CCDC7: variants seen among roughly 807,000 people sequenced by gnomAD.
CCDC7 encodes coiled-coil domain-containing protein 7.
Under a neutral mutation model 196.9 loss-of-function variants are expected in CCDC7, and 183 were observed. The ratio of observed to expected loss-of-function variants is 0.93; its 90% CI spans 0.82 to 1.05. CCDC7 has a LOEUF of 1.05. Among genes scored for constraint, CCDC7 ranks in the 50% least tolerant of loss-of-function variants. CCDC7 has a pLI of 0.00. For synonymous variants in CCDC7, 525 were observed against 484.6 expected (o/e 1.08, Z -1.10); for missense variants, 1,540 against 1,482.2 (o/e 1.04, Z -0.64).
chr10:32,556,948 T>A (rs1303036365), intron 13 of CCDC7, among the ~76,000 whole-genome samples: 1 of 152,226 alleles, frequency 6.6e-6, no homozygotes, highest in East Asian at 1.9e-4. Context: ...TCTGTGCCTG[T>A]TTATGGACAT....
In CCDC7 at chr10:32,779,896, GAATATGAAA is replaced by G. The variant is rs2080764498; in HGVS notation, c.3013+815_3013+823del. ...GCTCCAGCAAAAGCCAGTATGAAAA[GAATATGAAA>G]AACTCCTGGCAATCACAGCATTACT... On this transcript the variant is annotated intron_variant, in intron 29 of 41. Coordinates refer to ENST00000639629, the Ensembl canonical transcript of CCDC7. 2.0e-5 allele frequency among the ~76,000 whole-genome samples: 3 copies of G among 152,280 alleles called. No individual in the cohort carries two copies. The South Asian group carries it at 6.2e-4, about 32-fold the overall frequency.
chr10:32,834,660 C>CTTT (rs5784305), intron 32 of CCDC7, among the ~76,000 whole-genome samples, 155 bp from the exon 34 acceptor site: 3 of 143,894 alleles, frequency 2.1e-5, no homozygotes, highest in African/African-American at 7.6e-5. Context: ...CAGTCCAGTG[C>CTTT]TTTTTTTTTT....
At chr10:32,472,674 A>G (rs2038189303) in intron 7 of CCDC7, 132 bp downstream of exon 8, 2 of 762,024 alleles carry the variant, frequency 2.6e-6, no homozygotes, top group Non-Finnish European at 3.7e-6. Flanking sequence ...CGCTCACTGC[A>G]GCCTCAAACT....
At chr10:32,830,098 C>G (rs371665676) in intron 32 of CCDC7, among the ~76,000 whole-genome samples, 4 of 51,482 alleles carry the variant, frequency 7.8e-5, no homozygotes, top group African/African-American at 2.2e-4. Flanking sequence ...TATATATATC[C>G]TATTAGTTCT....
chr10:32,851,593 GTTTA>G (rs928907330), intron 39 of CCDC7, among the ~76,000 whole-genome samples: 22 of 152,074 alleles, frequency 1.4e-4, no homozygotes, highest in African/African-American at 4.8e-4. Flanking sequence ...CAATTCCAGT[GTTTA>G]TTTATTTTCT....
chr10:32,449,986 G>A (rs1232552747), upstream of CCDC7, among the ~76,000 whole-genome samples: 1 of 152,186 alleles, frequency 6.6e-6, no homozygotes, highest in African/African-American at 2.4e-5. Context: ...AGAAATAAAT[G>A]TTTCTTGTTT....
At chr10:32,480,311 G>A (rs770439716) in intron 8 of CCDC7, among the ~76,000 whole-genome samples, 3 of 151,252 alleles carry the variant, frequency 2.0e-5, no homozygotes, top group Non-Finnish European at 4.4e-5. Flanking sequence ...TTTTTTTAAT[G>A]TATACTTTAT....
intron 28 of CCDC7, among the ~76,000 whole-genome samples, chr10:32,754,645 TG>T (rs2076135432): frequency 6.6e-6 from 1 of 152,146 alleles, no homozygotes; most frequent in African/African-American, 2.4e-5. Context: ...ATAATAAACA[TG>T]AGGGAGGTTC....
chr10:32,770,519 G>T (rs2079011823), intron 28 of CCDC7, among the ~76,000 whole-genome samples: 1 of 152,070 alleles, frequency 6.6e-6, no homozygotes, highest in Non-Finnish European at 1.5e-5. Flanking sequence ...ATCAGGATTT[G>T]TTTTGTGGCC....
intron 9 of CCDC7, among the ~76,000 whole-genome samples, chr10:32,493,096 A>C (rs2042392159): frequency 6.6e-6 from 1 of 151,920 alleles, no homozygotes; most frequent in African/African-American, 2.4e-5. Context: ...AAAACACTTA[A>C]AAACTACTCT....
upstream of CCDC7, among the ~76,000 whole-genome samples, chr10:32,444,850 GTTTTT>G (rs59116319): frequency 7.1e-6 from 1 of 140,272 alleles, no homozygotes; most frequent in Non-Finnish European, 1.6e-5. Context: ...ATGCCTTCAT[GTTTTT>G]TTTTTTTTTT....
chr10:32,508,023 A>G (rs117749430), intron 9 of CCDC7, among the ~76,000 whole-genome samples: 45 of 152,368 alleles, frequency 3.0e-4, no homozygotes, highest in Non-Finnish European at 5.9e-4. Flanking sequence ...CAAATGCAGT[A>G]GCCAAGCAAT....
chr10:32,640,723 G>T (rs1161746239), intron 20 of CCDC7, among the ~76,000 whole-genome samples: 1 of 152,064 alleles, frequency 6.6e-6, no homozygotes, highest in Non-Finnish European at 1.5e-5. Context: ...AAATCTGTCA[G>T]CATTTGCTTG....
intron 8 of CCDC7, among the ~76,000 whole-genome samples, chr10:32,485,300 C>T (rs1026475907): frequency 3.8e-4 from 58 of 152,222 alleles, no homozygotes; most frequent in African/African-American, 1.3e-3. Flanking sequence ...TTATAGTATT[C>T]TCTGACAGCA....
intron 8 of CCDC7, among the ~76,000 whole-genome samples, chr10:32,484,478 T>C (rs556226954): frequency 2.0e-5 from 3 of 152,334 alleles, no homozygotes; most frequent in Non-Finnish European, 4.4e-5. Context: ...CCTAATTCAA[T>C]ACCCTTTATT....
chr10:32,657,113 T>A (rs978413058), intron 20 of CCDC7, among the ~76,000 whole-genome samples: 1 of 152,258 alleles, frequency 6.6e-6, no homozygotes, highest in African/African-American at 2.4e-5. Flanking sequence ...CTTGTGGCTT[T>A]GTGGGGTACA....
chr10:32,528,788 GGAATACTTT>G (rs1589560780), intron 11 of CCDC7, among the ~76,000 whole-genome samples: 12 of 124,398 alleles, frequency 9.6e-5, no homozygotes, highest in South Asian at 4.8e-4. Context: ...ATTATTCCAT[GGAATACTTT>G]TATATATATA....
At chr10:32,842,250 G>GA (rs943568374) in intron 33 of CCDC7, among the ~76,000 whole-genome samples, 43 of 146,616 alleles carry the variant, frequency 2.9e-4, no homozygotes, top group South Asian at 1.1e-3. Flanking sequence ...AAATCAGCAA[G>GA]AAAAAAAAAA....
At chr10:32,646,106 A>T (rs2067723252) in intron 20 of CCDC7, among the ~76,000 whole-genome samples, 2 of 140,966 alleles carry the variant, frequency 1.4e-5, no homozygotes, top group African/African-American at 5.2e-5. Context: ...TTCTTTGAGG[A>T]GTAATGTTAG....
Sources: gnomAD v4.1 joint callset for allele counts (sites outside exome capture counted in the v4.1 genomes callset) on GRCh38, gnomAD v4.1.1 for gene constraint, MANE v1.5 for transcripts, NCBI Gene and HGNC (gene_info 2026-07-23, HGNC 2026-07-21) for gene names.